Variants in NFIC observed in about 807,000 individuals in gnomAD.
NFIC encodes nuclear factor 1 C-type.
A neutral mutation model predicts 54.4 loss-of-function variants in NFIC; 12 were observed. The ratio of observed to expected loss-of-function variants is 0.22; its 90% CI spans 0.14 to 0.36. The LOEUF is 0.36. Ranked by LOEUF, NFIC falls within the 10% of genes least tolerant of loss-of-function variation. The pLI is 1.00. For missense variants in NFIC, 575 were observed against 718.2 expected (o/e 0.80, Z 2.28); for synonymous variants, 322 against 319.2 (o/e 1.01, Z -0.09).
At chr19:3,429,231 C>CCAAAAA (rs1413610827) in intron 3 of NFIC, among the ~76,000 whole-genome samples, 11 of 36,710 alleles carry the variant, frequency 3.0e-4, no homozygotes, top group African/African-American at 1.3e-3. Flanking sequence ...ATCTCTACCC[C>CCAAAAA]AAAAAAAAAA....
At chr19:3,380,309 CTTTTTTTTTTTT>C (rs529220524) in intron 1 of NFIC, among the ~76,000 whole-genome samples, 4 of 65,148 alleles carry the variant, frequency 6.1e-5, no homozygotes, top group Non-Finnish European at 1.0e-4. Flanking sequence ...CAGCCTTGTT[CTTTTTTTTTTTT>C]TTTTTTTTTT....
rs1351732490 is a variant in NFIC, at chr19:3,466,314, G to A, written c.*3545G>A. On this transcript the variant is annotated 3_prime_UTR_variant, in exon 11 of 11. Coordinates refer to ENST00000443272, the MANE Select transcript of NFIC (RefSeq NM_001245002.2). The surrounding 1 kb of genome is among the most constrained non-coding windows in gnomAD (Gnocchi z 4.8). Reference sequence around the variant, plus strand: ...AAGACAATAGCCAGATGGTTAGTGGGGCAGCCAGGCAGGGAGGACCCAGGG... The same window carrying A: ...AAGACAATAGCCAGATGGTTAGTGGAGCAGCCAGGCAGGGAGGACCCAGGG... The A allele has an allele frequency of 6.6e-6, 1 of 152,028 alleles. No homozygotes were observed. The highest frequency in any genetic ancestry group is 6.6e-5 in the Admixed American group (1 of 15,262). The allele number at this position is 152,028 out of a possible 1,614,324, so 9.4% of individuals were successfully genotyped here.
chr19:3,384,009 C>T (rs1040465172), intron 2 of NFIC, among the ~76,000 whole-genome samples: 1 of 149,958 alleles, frequency 6.7e-6, no homozygotes, highest in Non-Finnish European at 1.5e-5. Flanking sequence ...CTCCCAGGCT[C>T]TAGGGTGTGT....
At chr19:3,371,310 G>T (rs889988294) in intron 1 of NFIC, 1 of 150,618 alleles carries the variant, frequency 6.6e-6, no homozygotes, top group African/African-American at 2.5e-5. Flanking sequence ...CAGATTCAGG[G>T]AGGCAGCACA....
chr19:3,437,723 C>G (rs920314570), intron 6 of NFIC, among the ~76,000 whole-genome samples: 2 of 147,518 alleles, frequency 1.4e-5, no homozygotes, highest in African/African-American at 2.5e-5. Context: ...GAGTTTCGCT[C>G]TTATCACCCA....
At chr19:3,412,824 C>T (rs1266943312) in intron 2 of NFIC, among the ~76,000 whole-genome samples, 1 of 152,172 alleles carries the variant, frequency 6.6e-6, no homozygotes, top group Non-Finnish European at 1.5e-5. Context: ...CTCAGTGGCC[C>T]CAGGTGGGGG....
rs554242563 is a variant in NFIC, at chr19:3,463,863, C to A, written c.*1094C>A. ...TGCCTGATTACCACCACCCGCCCCCCCCTTTGTCCAGCTGGGACACGGAAT... is the reference window on the plus strand; with the variant it reads ...TGCCTGATTACCACCACCCGCCCCCACCTTTGTCCAGCTGGGACACGGAAT... On this transcript the variant is annotated 3_prime_UTR_variant, in exon 11 of 11. Transcript: ENST00000443272. 46 of 984,360 alleles carry A rather than the reference C, an allele frequency of 4.7e-5. No homozygotes were observed. The highest frequency in any genetic ancestry group is 3.4e-4 in the East Asian group (3 of 8,756). The allele number at this position is 984,360 out of a possible 1,614,324, so 61.0% of individuals were successfully genotyped here. A position where few individuals can be genotyped will look rare whatever the true frequency, so the allele number is the denominator to read the frequency against.
intron 3 of NFIC, among the ~76,000 whole-genome samples, 160 bp from the exon 4 acceptor site, chr19:3,433,358 C>T (rs1215988730): frequency 1.3e-5 from 2 of 152,224 alleles, no homozygotes; most frequent in African/African-American, 4.8e-5. Context: ...CCCACGGGGC[C>T]TTCCCCATCA....
At chr19:3,429,436 C>G (rs911684348) in intron 3 of NFIC, among the ~76,000 whole-genome samples, 1 of 151,756 alleles carries the variant, frequency 6.6e-6, no homozygotes, top group Non-Finnish European at 1.5e-5. Flanking sequence ...AATAATAATA[C>G]AAAAATTAGC....
chr19:3,451,053 A>G (rs1435487288), intron 7 of NFIC, among the ~76,000 whole-genome samples: 1 of 152,214 alleles, frequency 6.6e-6, no homozygotes, highest in Non-Finnish European at 1.5e-5. Context: ...ACTGCTATAA[A>G]TAGTGAAAAT....
intron 2 of NFIC, among the ~76,000 whole-genome samples, chr19:3,404,755 G>A (rs964093443): frequency 1.6e-4 from 25 of 152,348 alleles, no homozygotes; most frequent in Non-Finnish European, 3.2e-4. Context: ...CATGGGCGGC[G>A]TGGCCTCCCA....
chr19:3,388,976 G>T (rs369623886), intron 2 of NFIC, among the ~76,000 whole-genome samples: 1 of 152,210 alleles, frequency 6.6e-6, no homozygotes, highest in Non-Finnish European at 1.5e-5. Context: ...CTGCACTCCA[G>T]CCTGGGCGAC....
At chr19:3,423,385 G>A (rs1270967676) in intron 2 of NFIC, among the ~76,000 whole-genome samples, 1 of 152,146 alleles carries the variant, frequency 6.6e-6, no homozygotes, top group Non-Finnish European at 1.5e-5. Context: ...ACAGTTAGGC[G>A]ACTTGCCTGA....
chr19:3,461,116 C>T (rs1027552844), intron 10 of NFIC, among the ~76,000 whole-genome samples: 6 of 151,636 alleles, frequency 4.0e-5, no homozygotes, highest in African/African-American at 1.2e-4. Flanking sequence ...AAGAGCGTGA[C>T]GCTGTCTCAA....
At chr19:3,398,638 G>A (rs897275656) in intron 2 of NFIC, among the ~76,000 whole-genome samples, 3 of 152,222 alleles carry the variant, frequency 2.0e-5, no homozygotes, top group East Asian at 3.9e-4. Flanking sequence ...CCTCGGACCC[G>A]GGCTGTACCC....
At position 3,464,075 on chromosome 19, in the gene NFIC, G is replaced by A. The variant is rs1449553503; in HGVS notation, c.*1306G>A. The A allele has an allele frequency of 1.9e-5, 19 of 984,852 alleles. No individual in the cohort carries two copies. The highest frequency in any genetic ancestry group is 2.2e-5 in the Non-Finnish European group (18 of 829,724). 61.0% of individuals were successfully genotyped at this position (984,852 alleles called of 1,614,324 possible). Reference sequence around the variant, plus strand: ...GGGTGGGCTCTGGGGAAGCCGGTGCGCCCCCCACGCCTCCGCTGCCAGTGC... The same window carrying A: ...GGGTGGGCTCTGGGGAAGCCGGTGCACCCCCCACGCCTCCGCTGCCAGTGC... On this transcript the variant is annotated 3_prime_UTR_variant, in exon 11 of 11. Coordinates refer to ENST00000443272, the MANE Select transcript of NFIC (RefSeq NM_001245002.2).
At chr19:3,391,669 T>C (rs2081379288) in intron 2 of NFIC, among the ~76,000 whole-genome samples, 1 of 151,418 alleles carries the variant, frequency 6.6e-6, no homozygotes, top group Non-Finnish European at 1.5e-5. Flanking sequence ...TGGTGGCGCG[T>C]GCCTGTAATC....
chr19:3,372,381 T>A (rs1407720797), intron 1 of NFIC, among the ~76,000 whole-genome samples: 1 of 152,078 alleles, frequency 6.6e-6, no homozygotes, highest in Non-Finnish European at 1.5e-5. Flanking sequence ...TGACCAGCCC[T>A]GTGTGGGTAC....
chr19:3,405,568 CCTTT>C, intron 2 of NFIC, among the ~76,000 whole-genome samples: 1 of 151,922 alleles, frequency 6.6e-6, no homozygotes, highest in Non-Finnish European at 1.5e-5. Context: ...TACTGGAATT[CCTTT>C]CTATTTTTAT....
Sources: allele counts gnomAD v4.1 joint callset (sites outside exome capture counted in the v4.1 genomes callset), GRCh38; gene constraint gnomAD v4.1.1; non-coding constraint Gnocchi (gnomAD v3.1); transcripts MANE v1.5; gene names NCBI Gene and HGNC (gene_info 2026-07-23, HGNC 2026-07-21).